MTMR2: variants seen among roughly 807,000 people sequenced by gnomAD.
MTMR2 encodes phosphatidylinositol-3,5-bisphosphate 3-phosphatase MTMR2.
MTMR2 carries 55 observed loss-of-function variants against 86.9 expected under a neutral mutation model. That is an observed-to-expected ratio of 0.63 (90% CI 0.51 to 0.79). The LOEUF (loss-of-function observed/expected upper bound fraction) is 0.79, where lower values mean the gene tolerates loss of function less well. Ranked by LOEUF, MTMR2 falls within the 30% of genes least tolerant of loss-of-function variation. The pLI is 0.00. For synonymous variants in MTMR2, 241 were observed against 266.8 expected, an observed-to-expected ratio of 0.90 and a Z score of 0.94; for missense variants, 659 against 772.3, an observed-to-expected ratio of 0.85 and a Z score of 1.74.
At chr11:95,871,318 C>A (rs913011172) in intron 2 of MTMR2, among the ~76,000 whole-genome samples, 3 of 152,214 alleles carry the variant, frequency 2.0e-5, no homozygotes, top group Non-Finnish European at 4.4e-5. Flanking sequence ...GCCACACTGA[C>A]TTCCACAATG....
At chr11:95,836,430 G>A (rs963277227) in intron 13 of MTMR2, 106 bp from the exon 14 acceptor site, 1 of 1,121,596 alleles carries the variant, frequency 8.9e-7, no homozygotes, top group African/African-American at 1.5e-5. Flanking sequence ...CTCTTTAGAG[G>A]AAGTGGACTT....
intron 11 of MTMR2, among the ~76,000 whole-genome samples, chr11:95,843,570 C>T (rs555624898): frequency 7.2e-5 from 11 of 152,260 alleles, no homozygotes; most frequent in African/African-American, 2.4e-4. Flanking sequence ...TTCTGCTTTT[C>T]CACTTACATA....
intron 10 of MTMR2, among the ~76,000 whole-genome samples, chr11:95,846,951 G>A (rs1863818399): frequency 6.6e-6 from 1 of 151,004 alleles, no homozygotes; most frequent in Admixed American, 6.6e-5. Flanking sequence ...ATTTTAATGT[G>A]AGCAGAAGTA....
At chr11:95,901,752 A>G (rs1866081791) in intron 1 of MTMR2, among the ~76,000 whole-genome samples, 1 of 152,184 alleles carries the variant, frequency 6.6e-6, no homozygotes. Flanking sequence ...TTTATTATAT[A>G]AACTCAATGC....
At chr11:95,905,331 G>GCGCGCGCGCGCACA (rs928252045) in intron 1 of MTMR2, among the ~76,000 whole-genome samples, 3 of 147,992 alleles carry the variant, frequency 2.0e-5, no homozygotes, top group Non-Finnish European at 1.5e-5. Flanking sequence ...ACGCACCTGC[G>GCGCGCGCGCGCACA]CACACACACA....
chr11:95,920,344 A>G (rs1251333000), intron 1 of MTMR2, among the ~76,000 whole-genome samples: 11 of 152,118 alleles, frequency 7.2e-5, no homozygotes, highest in Admixed American at 7.2e-4. Flanking sequence ...GTCTCACTCT[A>G]TTGCCCACTC....
rs1555061026 is a variant in MTMR2, at chr11:95,850,598, A to C, written c.804+2T>G. On this transcript the variant is annotated splice_donor_variant, in intron 8 of 14. Transcript: ENST00000346299. LOFTEE classifies it high-confidence loss of function. ...AAAGGCTCATCCAAACTTCCTACTT[A>C]CTGGGATACGGCCTCTTGATCTGAA... The C allele has an allele frequency of 1.1e-5, 17 of 1,614,012 alleles. No individual in the cohort carries two copies. The highest frequency in any genetic ancestry group is 1.4e-5 in the Non-Finnish European group (17 of 1,179,970).
chr11:95,862,465 G>A (rs765653859), intron 3 of MTMR2, 99 bp from the exon 4 acceptor site: 10 of 927,296 alleles, frequency 1.1e-5, no homozygotes, highest in Middle Eastern at 2.4e-4. Context: ...ACTAATTTAT[G>A]CTGAAAAATA....
intron 7 of MTMR2, among the ~76,000 whole-genome samples, chr11:95,852,386 A>G (rs999944624): frequency 1.3e-5 from 2 of 152,236 alleles, no homozygotes; most frequent in Non-Finnish European, 2.9e-5. Flanking sequence ...AAAATCTCAA[A>G]GAGCAGAATG....
At chr11:95,869,304 T>C (rs1864761258) in intron 2 of MTMR2, among the ~76,000 whole-genome samples, 1 of 151,964 alleles carries the variant, frequency 6.6e-6, no homozygotes, top group Non-Finnish European at 1.5e-5. Flanking sequence ...CAACTTACAA[T>C]GGGTTTATCT....
At chr11:95,891,936 A>C (rs1218054085) in intron 1 of MTMR2, among the ~76,000 whole-genome samples, 1 of 152,154 alleles carries the variant, frequency 6.6e-6, no homozygotes, top group Non-Finnish European at 1.5e-5. Flanking sequence ...GTGCAGCAGA[A>C]CTGTTAAAAC....
chr11:95,884,392 T>C (rs1185041069), intron 2 of MTMR2, among the ~76,000 whole-genome samples: 1 of 152,162 alleles, frequency 6.6e-6, no homozygotes, highest in Non-Finnish European at 1.5e-5. Flanking sequence ...TAAGAAAATC[T>C]CACTTAGCAT....
intron 11 of MTMR2, among the ~76,000 whole-genome samples, 162 bp from the exon 12 acceptor site, chr11:95,841,871 G>A (rs1280644509): frequency 1.3e-5 from 2 of 152,182 alleles, no homozygotes; most frequent in Non-Finnish European, 2.9e-5. Context: ...TGTGGTGGAA[G>A]GATCACTTGG....
intron 2 of MTMR2, among the ~76,000 whole-genome samples, chr11:95,878,939 C>A (rs1196029144): frequency 1.3e-5 from 2 of 152,234 alleles, no homozygotes; most frequent in South Asian, 4.1e-4. Flanking sequence ...TCATTCAGTG[C>A]TCTTAACACC....
At chr11:95,894,800 AAAG>A (rs953575738) in intron 1 of MTMR2, among the ~76,000 whole-genome samples, 1 of 152,170 alleles carries the variant, frequency 6.6e-6, no homozygotes, top group Non-Finnish European at 1.5e-5. Flanking sequence ...AAAGGACTAA[AAAG>A]AAGAAGACAG....
At chr11:95,875,542 A>G (rs766569608) in intron 2 of MTMR2, among the ~76,000 whole-genome samples, 40 of 152,084 alleles carry the variant, frequency 2.6e-4, no homozygotes, top group Non-Finnish European at 4.9e-4. Flanking sequence ...ATGGGTTTGA[A>G]GTTCCTCCTT....
chr11:95,837,644 ATTACT>A (rs1250530774), intron 13 of MTMR2, among the ~76,000 whole-genome samples: 3 of 152,022 alleles, frequency 2.0e-5, no homozygotes, highest in East Asian at 1.9e-4. Flanking sequence ...TTTTTATGGT[ATTACT>A]TTACAACTTA....
At chr11:95,856,243 G>A (rs1565355430) in intron 7 of MTMR2, among the ~76,000 whole-genome samples, 2 of 188 alleles carry the variant, frequency 0.011, no homozygotes, top group Non-Finnish European at 0.016. Context: ...TGGCTAGGGG[G>A]ACACAGGTTG....
At chr11:95,855,971 AT>A (rs2135458094) in intron 7 of MTMR2, among the ~76,000 whole-genome samples, 1 of 152,340 alleles carries the variant, frequency 6.6e-6, no homozygotes, top group African/African-American at 2.4e-5. Context: ...AGTGGACTGT[AT>A]ACTTTAAAAC....
Sources: allele counts gnomAD v4.1 joint callset (sites outside exome capture counted in the v4.1 genomes callset), GRCh38; gene constraint gnomAD v4.1.1; transcripts MANE v1.5; gene names NCBI Gene and HGNC (gene_info 2026-07-23, HGNC 2026-07-21).